Variants in PREX1 observed in about 807,000 individuals in gnomAD.
PREX1 encodes phosphatidylinositol 3,4,5-trisphosphate-dependent Rac exchanger 1 protein.
PREX1 carries 41 observed loss-of-function variants against 198.3 expected under a neutral mutation model. The observed-to-expected ratio is 0.21, with a 90% CI of 0.16 to 0.27. The LOEUF is 0.27. Among genes scored for constraint, PREX1 ranks in the 10% least tolerant of loss-of-function variants. The probability of loss-of-function intolerance (pLI) is 1.00; values close to 1 mark genes in which losing one functional copy is unlikely to be tolerated. For missense variants in PREX1, 1,620 were observed against 2,200.7 expected (o/e 0.74, Z 5.28); for synonymous variants, 843 against 887.2 (o/e 0.95, Z 0.89).
At chr20:48,750,352 T>C (rs770393549) in intron 1 of PREX1, among the ~76,000 whole-genome samples, 1 of 152,192 alleles carries the variant, frequency 6.6e-6, no homozygotes, top group Non-Finnish European at 1.5e-5. Flanking sequence ...CCTTTAAATA[T>C]GTACAGGAGA....
intron 1 of PREX1, among the ~76,000 whole-genome samples, chr20:48,784,317 C>A (rs1040232694): frequency 7.9e-5 from 12 of 152,162 alleles, no homozygotes; most frequent in Non-Finnish European, 1.5e-4. Flanking sequence ...CACATACCCC[C>A]AACAGTAAAA....
chr20:48,770,178 G>A (rs963780984), intron 1 of PREX1, among the ~76,000 whole-genome samples: 2 of 152,178 alleles, frequency 1.3e-5, no homozygotes, highest in Admixed American at 6.5e-5. Context: ...CCCAGGAAGC[G>A]GGCATAAGAA....
At chr20:48,778,787 C>T (rs1337149939) in intron 1 of PREX1, among the ~76,000 whole-genome samples, 1 of 152,080 alleles carries the variant, frequency 6.6e-6, no homozygotes, top group Non-Finnish European at 1.5e-5. Flanking sequence ...TTGCTTTAAA[C>T]CAATGATCTT....
Position 48,624,436 on chromosome 20 carries a change from T to C in PREX1, c.*1449A>G, listed in dbSNP as rs2089253421. 6.6e-6 allele frequency: 1 copy of C among 152,646 alleles called. No homozygotes were observed. Among genetic ancestry groups the C allele is most frequent in the African/African-American group, 2.4e-5 (1 of 41,466 alleles). The allele number at this position is 152,646 out of a possible 1,614,324, so 9.5% of individuals were successfully genotyped here. The stretch of plus-strand genomic sequence containing the variant: ...ATGCAAGATACAGTGACAAGGCCAC[T>C]GCCTGCCCTCGTGTATGCTGCGGCA... On this transcript the variant is annotated 3_prime_UTR_variant, in exon 40 of 40. Transcript: ENST00000371941.
intron 17 of PREX1, 70 bp from the exon 18 acceptor site, chr20:48,657,258 C>T: frequency 6.5e-7 from 1 of 1,543,848 alleles, no homozygotes; most frequent in Non-Finnish European, 8.9e-7. Context: ...ACCAAGGAAG[C>T]TCAAATGTGT....
intron 10 of PREX1, among the ~76,000 whole-genome samples, chr20:48,686,471 G>A (rs1170716642): frequency 2.6e-5 from 4 of 152,230 alleles, no homozygotes; most frequent in South Asian, 2.1e-4. Flanking sequence ...TCCTTCCTGA[G>A]GAGGCAGAAC....
Position 48,684,019 on chromosome 20 carries a change from A to G in PREX1, c.1335-2684T>C, listed in dbSNP as rs2089769950. Among the ~76,000 whole-genome samples the G allele has an allele frequency of 6.6e-6, 1 of 152,070 alleles. No homozygotes were observed. Among genetic ancestry groups the G allele is most frequent in the South Asian group, 2.1e-4 (1 of 4,824 alleles). On this transcript the variant is annotated intron_variant, in intron 10 of 39. Coordinates refer to ENST00000371941, the MANE Select transcript of PREX1 (RefSeq NM_020820.4). The surrounding 1 kb of genome is among the most constrained non-coding windows in gnomAD (Gnocchi z 4.2). ...GAAAGACACAGCTCAGGACAGTGTG[A>G]GGAGAGCTGGAGATACAAGGAGAAG...
chr20:48,777,358 G>A, intron 1 of PREX1, among the ~76,000 whole-genome samples: 1 of 152,104 alleles, frequency 6.6e-6, no homozygotes, highest in Non-Finnish European at 1.5e-5. Context: ...GCTTTCGCTG[G>A]AATCCCAAAC....
intron 1 of PREX1, among the ~76,000 whole-genome samples, chr20:48,795,137 TA>T (rs1225215843): frequency 6.6e-6 from 1 of 152,108 alleles, no homozygotes; most frequent in East Asian, 1.9e-4. Flanking sequence ...GTTAGATCCA[TA>T]AGGACAGGGG....
At chr20:48,828,045 C>G (rs1465726595), upstream of PREX1, among the ~76,000 whole-genome samples, 5 of 144,668 alleles carry the variant, frequency 3.5e-5, no homozygotes, top group South Asian at 2.1e-4. Flanking sequence ...GCGCGGGGGC[C>G]GGGCGAGGGG....
chr20:48,745,160 G>A lies in PREX1; in HGVS notation c.292-13C>T, dbSNP rs1157535633. On this transcript the variant is annotated splice_polypyrimidine_tract_variant and intron_variant, in intron 2 of 39. Coordinates refer to ENST00000371941, the MANE Select transcript of PREX1 (RefSeq NM_020820.4). Reference sequence around the variant, plus strand: ...TCGAGAACAGGACCTGTGAGGAAAAGAGAGGCCAGAGGACAGCGTTAAGGC... The same window carrying A: ...TCGAGAACAGGACCTGTGAGGAAAAAAGAGGCCAGAGGACAGCGTTAAGGC... The A allele has an allele frequency of 6.2e-6, 10 of 1,612,566 alleles. No individual in the cohort carries two copies. The highest frequency in any genetic ancestry group is 8.5e-6 in the Non-Finnish European group (10 of 1,178,696).
chr20:48,653,912 C>T (rs906912622), intron 19 of PREX1, among the ~76,000 whole-genome samples: 14 of 152,262 alleles, frequency 9.2e-5, no homozygotes, highest in African/African-American at 3.4e-4. Context: ...GCCTATGAGA[C>T]TCCAAGGGCA....
intron 10 of PREX1, among the ~76,000 whole-genome samples, chr20:48,687,770 C>G (rs553488930): frequency 2.9e-4 from 44 of 152,306 alleles, no homozygotes; most frequent in African/African-American, 1.1e-3. Context: ...TTTCTTCTAC[C>G]TCTCCCGTGC....
chr20:48,793,294 T>C (rs2090346768), intron 1 of PREX1, among the ~76,000 whole-genome samples: 1 of 152,154 alleles, frequency 6.6e-6, no homozygotes, highest in Non-Finnish European at 1.5e-5. Flanking sequence ...TGACTACCAA[T>C]GGGTTTGGGT....
intron 1 of PREX1, among the ~76,000 whole-genome samples, chr20:48,763,664 G>A (rs1442743818): frequency 6.6e-6 from 1 of 152,192 alleles, no homozygotes; most frequent in Non-Finnish European, 1.5e-5. Context: ...GTAGAGTCAG[G>A]AAACAATGCA....
intron 3 of PREX1, among the ~76,000 whole-genome samples, chr20:48,738,997 A>C (rs1392816209): frequency 6.6e-6 from 1 of 152,184 alleles, no homozygotes; most frequent in Middle Eastern, 3.2e-3. Context: ...GGGTTAAAAC[A>C]GAAATCAGAC....
chr20:48,859,949 T>C, the PREX1 span, among the ~76,000 whole-genome samples: 1 of 151,794 alleles, frequency 6.6e-6, no homozygotes, highest in Non-Finnish European at 1.5e-5. Context: ...ACATGGGAGG[T>C]GGAGGTTGCA....
At chr20:48,751,896 T>C (rs1012053594) in intron 1 of PREX1, among the ~76,000 whole-genome samples, 2 of 152,102 alleles carry the variant, frequency 1.3e-5, no homozygotes, top group Admixed American at 6.6e-5. Context: ...CACAAACTCA[T>C]CACTACCCAG....
chr20:48,700,231 T>C (rs948589533), intron 7 of PREX1, among the ~76,000 whole-genome samples: 2 of 152,226 alleles, frequency 1.3e-5, no homozygotes, highest in Non-Finnish European at 2.9e-5. Context: ...CTTTTAGAGC[T>C]TAGAATTACA....
Sources: gnomAD v4.1 joint callset for allele counts (sites outside exome capture counted in the v4.1 genomes callset) on GRCh38, gnomAD v4.1.1 for gene constraint, Gnocchi (gnomAD v3.1) non-coding constraint, MANE v1.5 for transcripts, NCBI Gene and HGNC (gene_info 2026-07-23, HGNC 2026-07-21) for gene names.